Variants in FYTTD1 observed in about 807,000 individuals in gnomAD.
FYTTD1 encodes the protein forty-two-three domain containing 1.
Under a neutral mutation model 40.9 loss-of-function variants are expected in FYTTD1, and 22 were observed. The ratio of observed to expected loss-of-function variants is 0.54; its 90% confidence interval spans 0.38 to 0.77. The LOEUF (loss-of-function observed/expected upper bound fraction) is 0.77. FYTTD1 is among the 30% of genes least tolerant of loss of function. The pLI is 0.00. For synonymous variants in FYTTD1, 140 were observed against 137.9 expected, an observed-to-expected ratio of 1.01 and a Z score of -0.10; for missense variants, 351 against 392.2, an observed-to-expected ratio of 0.90 and a Z score of 0.89.
Position 197,785,557 on chromosome 3 carries a change from C to T in FYTTD1, c.*3648C>T, listed in dbSNP as rs1233005905. 1 of 151,548 alleles carries T rather than the reference C, an allele frequency of 6.6e-6. No homozygotes were observed. Among genetic ancestry groups the T allele is most frequent in the Non-Finnish European group, 1.5e-5 (1 of 67,986 alleles). 9.4% of individuals were successfully genotyped at this position (151,548 alleles called of 1,614,324 possible). A position where few individuals can be genotyped will look rare whatever the true frequency, so the allele number is the denominator to read the frequency against. On this transcript the variant is annotated 3_prime_UTR_variant, in exon 9 of 9. Coordinates refer to ENST00000241502, the MANE Select transcript of FYTTD1 (RefSeq NM_032288.7). The stretch of plus-strand genomic sequence containing the variant: ...TTTTACTGTAAATAGCTTTGTAATT[C>T]ACACAAAGTATACGGGCCCAGCAGG...
At chr3:197,766,176 AAAAG>A (rs75798589) in intron 2 of FYTTD1, among the ~76,000 whole-genome samples, 335 of 107,214 alleles carry the variant, frequency 3.1e-3, no homozygotes, top group Middle Eastern at 8.4e-3. Flanking sequence ...AAAAAAAAAA[AAAAG>A]AGTTTGCTTT....
At chr3:197,772,344 C>T (rs748904421) in intron 4 of FYTTD1, among the ~76,000 whole-genome samples, 1 of 152,144 alleles carries the variant, frequency 6.6e-6, no homozygotes, top group African/African-American at 2.4e-5. Context: ...TTTATCAATA[C>T]ATCAGTTGAA....
intron 2 of FYTTD1, among the ~76,000 whole-genome samples, chr3:197,757,702 G>A (rs1729251004): frequency 6.6e-6 from 1 of 152,272 alleles, no homozygotes; most frequent in Non-Finnish European, 1.5e-5. Context: ...TTGAGCCTGG[G>A]AGATCAAGAC....
At chr3:197,776,028 A>G (rs1025928857) in intron 6 of FYTTD1, among the ~76,000 whole-genome samples, 3 of 152,168 alleles carry the variant, frequency 2.0e-5, no homozygotes, top group Admixed American at 6.5e-5. Context: ...TAGAGGCACT[A>G]TTATCCTTTC....
Position 197,774,148 on chromosome 3 carries a change from G to T in FYTTD1, c.595-1G>T. Reference sequence around the variant, plus strand: ...ACCTACTGCTTTTTTTTTCCCTTCAGGTGCAGGCCCAGTTGAATACAGAAC... The same window carrying T: ...ACCTACTGCTTTTTTTTTCCCTTCATGTGCAGGCCCAGTTGAATACAGAAC... On this transcript the variant is annotated splice_acceptor_variant, in intron 5 of 8. Coordinates refer to ENST00000241502, the MANE Select transcript of FYTTD1 (RefSeq NM_032288.7). LOFTEE classifies it high-confidence loss of function. 6.2e-7 allele frequency: 1 copy of T among 1,613,066 alleles called. No individual in the cohort carries two copies. Among genetic ancestry groups the T allele is most frequent in the South Asian group, 1.1e-5 (1 of 90,970 alleles).
chr3:197,777,012 T>C lies in FYTTD1; in HGVS notation c.731+11T>C. 1 of 1,574,664 alleles carries C rather than the reference T, an allele frequency of 6.4e-7. No individual in the cohort carries two copies. Among genetic ancestry groups the C allele is most frequent in the Admixed American group, 1.7e-5 (1 of 57,346 alleles). On this transcript the variant is annotated intron_variant, in intron 7 of 8. Coordinates refer to ENST00000241502, the MANE Select transcript of FYTTD1 (RefSeq NM_032288.7). ...AGTGCAATGCCCAGTGTAAGTTGTT[T>C]CTTTCTTTTTGCAAAAATTATAACC...
At chr3:197,760,949 AGTGTTCTTC>A (rs1560494351) in intron 2 of FYTTD1, among the ~76,000 whole-genome samples, 1 of 145,294 alleles carries the variant, frequency 6.9e-6, no homozygotes, top group East Asian at 2.1e-4. Context: ...GAATGTATAG[AGTGTTCTTC>A]AGTGGTAGAA....
chr3:197,778,921 G>A (rs192754217), intron 8 of FYTTD1, among the ~76,000 whole-genome samples: 3 of 152,246 alleles, frequency 2.0e-5, no homozygotes, highest in East Asian at 1.9e-4. Context: ...GAATTGCTAG[G>A]TTTATAGTAA....
In FYTTD1 at chr3:197,774,290, C is replaced by T. The variant is rs1024940766; in HGVS notation, c.656+80C>T. On this transcript the variant is annotated intron_variant, in intron 6 of 8. Coordinates refer to ENST00000241502, the MANE Select transcript of FYTTD1 (RefSeq NM_032288.7). ...TACCCAAATTATCATGTACCTCAGT[C>T]CAGAAGAAATTAATTGAAACCCAAA... The T allele has an allele frequency of 2.5e-5, 30 of 1,176,676 alleles. No individual in the cohort carries two copies. The Middle Eastern group carries it at 1.6e-3, about 62-fold the overall frequency. The allele number at this position is 1,176,676 out of a possible 1,614,324, so 72.9% of individuals were successfully genotyped here.
chr3:197,785,649 A>C lies in FYTTD1; in HGVS notation c.*3740A>C, dbSNP rs968387625. ...ATATCATTATTAATATTTTACTGTA[A>C]ATAGCTTTGTAATTCACACAAAGTA... On this transcript the variant is annotated 3_prime_UTR_variant, in exon 9 of 9. Transcript: ENST00000241502. 6.6e-6 allele frequency: 1 copy of C among 152,178 alleles called. No individual in the cohort carries two copies. The highest frequency in any genetic ancestry group is 2.4e-5 in the African/African-American group (1 of 41,460). 9.4% of individuals were successfully genotyped at this position (152,178 alleles called of 1,614,324 possible).
At chr3:197,759,673 A>G (rs540240149) in intron 2 of FYTTD1, among the ~76,000 whole-genome samples, 1 of 151,612 alleles carries the variant, frequency 6.6e-6, no homozygotes, top group Admixed American at 6.6e-5. Context: ...GGTAGAACGT[A>G]TAGAGTTGTT....
chr3:197,750,622 C>T (rs1728991323), intron 1 of FYTTD1: 1 of 984,984 alleles, frequency 1.0e-6, no homozygotes, highest in African/African-American at 1.8e-5. Flanking sequence ...CCGGGCGCGA[C>T]TCTCGGGGCC....
At chr3:197,772,115 A>C (rs1191562630) in intron 4 of FYTTD1, among the ~76,000 whole-genome samples, 1 of 152,176 alleles carries the variant, frequency 6.6e-6, no homozygotes, top group Non-Finnish European at 1.5e-5. Flanking sequence ...TAAAAAAACA[A>C]AAAATGGAAT....
chr3:197,768,396 A>G, intron 2 of FYTTD1, 43 bp from the exon 3 acceptor site: 1 of 1,453,948 alleles, frequency 6.9e-7, no homozygotes, highest in Non-Finnish European at 9.4e-7. Flanking sequence ...GTCCCAATTG[A>G]ATTGTTAAAT....
chr3:197,760,418 AGTT>A (rs1729346456), intron 2 of FYTTD1, among the ~76,000 whole-genome samples: 1 of 151,514 alleles, frequency 6.6e-6, no homozygotes, highest in Non-Finnish European at 1.5e-5. Context: ...GAATGTATAG[AGTT>A]GTTCTTCAGG....
At chr3:197,764,333 A>G (rs1373486654) in intron 2 of FYTTD1, among the ~76,000 whole-genome samples, 1 of 152,224 alleles carries the variant, frequency 6.6e-6, no homozygotes, top group East Asian at 1.9e-4. Flanking sequence ...AAAGAATATA[A>G]TCATTGCTAA....
chr3:197,773,375 T>C, intron 4 of FYTTD1, 28 bp from the exon 5 acceptor site: 1 of 1,368,200 alleles, frequency 7.3e-7, no homozygotes, highest in Non-Finnish European at 1.0e-6. Flanking sequence ...TTAAATGGCT[T>C]AGCATGGCCT....
At chr3:197,750,628 G>C (rs1728992106) in intron 1 of FYTTD1, 1 of 985,228 alleles carries the variant, frequency 1.0e-6, no homozygotes. Context: ...GCGACTCTCG[G>C]GGCCACCTCC....
intron 2 of FYTTD1, among the ~76,000 whole-genome samples, chr3:197,759,148 A>G (rs1272677691): frequency 6.6e-6 from 1 of 151,528 alleles, no homozygotes; most frequent in African/African-American, 2.4e-5. Flanking sequence ...TAGAATGTAT[A>G]GAGTTGTTCC....
Sources: gnomAD v4.1 joint callset for allele counts (sites outside exome capture counted in the v4.1 genomes callset) on GRCh38, gnomAD v4.1.1 for gene constraint, MANE v1.5 for transcripts, NCBI Gene and HGNC (gene_info 2026-07-23, HGNC 2026-07-21) for gene names.